BRI3: variants seen among roughly 807,000 people sequenced by gnomAD.
The protein encoded by BRI3 is membrane protein BRI3.
In BRI3, 6 loss-of-function variants were observed where a neutral mutation model predicts 12.8. The ratio of observed to expected loss-of-function variants is 0.47; its 90% confidence interval spans 0.26 to 0.93. BRI3 has a LOEUF of 0.93. Ranked by LOEUF, BRI3 falls within the 40% of genes least tolerant of loss-of-function variation. The pLI is 0.15. For synonymous variants in BRI3, 91 were observed against 76.1 expected (o/e 1.20, Z -1.02); for missense variants, 134 against 171.1 (o/e 0.78, Z 1.21).
chr7:98,307,848 C>G, exon 2 of BRI3: 1 of 1,614,248 alleles, frequency 6.2e-7, no homozygotes, highest in Non-Finnish European at 8.5e-7. Flanking sequence ...CATGTTCAGT[C>G]CCGTTGCAAC....
At chr7:98,313,981 CCT>C (rs1491220172), downstream of BRI3, among the ~76,000 whole-genome samples, 2 of 120,064 alleles carry the variant, frequency 1.7e-5, no homozygotes, top group East Asian at 2.1e-4. Context: ...CCTTTTTCTT[CCT>C]TTTTTTTTTT....
chr7:98,285,087 T>A (rs2116708196), intron 2 of BRI3, among the ~76,000 whole-genome samples: 1 of 152,242 alleles, frequency 6.6e-6, no homozygotes, highest in Non-Finnish European at 1.5e-5. Flanking sequence ...CCATGAGTAC[T>A]GGCTGGGCTG....
In BRI3 at chr7:98,281,761, A is replaced by AGCCGG. The variant is rs1296951646; in HGVS notation, c.-29_-25dup. ...TCCCCCGCCGGGGCCGACCGAGCCG[A>AGCCGG]GCCGGGCCGGAGCGGCGGGCGCGGC... On this transcript the variant is annotated 5_prime_UTR_variant, in exon 1 of 3. Coordinates refer to ENST00000297290, the MANE Select transcript of BRI3 (RefSeq NM_015379.5). The AGCCGG allele has an allele frequency of 4.9e-6, 5 of 1,024,274 alleles. No individual in the cohort carries two copies. Among genetic ancestry groups the AGCCGG allele is most frequent in the Admixed American group, 5.7e-5 (1 of 17,402 alleles). 63.4% of individuals were successfully genotyped at this position (1,024,274 alleles called of 1,614,324 possible). A position where few individuals can be genotyped will look rare whatever the true frequency, so the allele number is the denominator to read the frequency against.
downstream of BRI3, chr7:98,312,400 T>C: frequency 1.1e-6 from 1 of 937,436 alleles, no homozygotes; most frequent in Non-Finnish European, 1.6e-6. Context: ...TTAAACTCGG[T>C]GAGCACTTTA....
At chr7:98,313,677 G>A (rs1800962022), downstream of BRI3, among the ~76,000 whole-genome samples, 1 of 152,108 alleles carries the variant, frequency 6.6e-6, no homozygotes, top group African/African-American at 2.4e-5. Flanking sequence ...GGAGTGCACT[G>A]GCACAATCAC....
At chr7:98,299,123 C>T (rs186217406) in intron 1 of BRI3, among the ~76,000 whole-genome samples, 3 of 152,248 alleles carry the variant, frequency 2.0e-5, no homozygotes, top group Admixed American at 2.0e-4. Context: ...TCAACTGATT[C>T]TCCTGCCTCA....
chr7:98,312,672 G>C (rs1036540697), downstream of BRI3, among the ~76,000 whole-genome samples: 1 of 152,146 alleles, frequency 6.6e-6, no homozygotes, highest in Non-Finnish European at 1.5e-5. Context: ...CACAGGCCAC[G>C]GGCCCCGTAG....
At chr7:98,318,945 C>CAAAAA in the BRI3 span, among the ~76,000 whole-genome samples, 1 of 114,596 alleles carries the variant, frequency 8.7e-6, no homozygotes, top group Non-Finnish European at 1.7e-5. Context: ...GACTCCATCT[C>CAAAAA]AAAAAAAAAA....
intron 1 of BRI3, among the ~76,000 whole-genome samples, chr7:98,299,229 G>A (rs1584417793): frequency 1.3e-5 from 2 of 152,138 alleles, no homozygotes; most frequent in Admixed American, 1.3e-4. Flanking sequence ...ATGTTGGCCA[G>A]GCTGGTCTCA....
chr7:98,287,206 AG>A (rs1799739667), intron 2 of BRI3, among the ~76,000 whole-genome samples: 1 of 152,224 alleles, frequency 6.6e-6, no homozygotes, highest in Non-Finnish European at 1.5e-5. Flanking sequence ...CGCTCTCCCC[AG>A]AGACCCGGGG....
chr7:98,304,205 G>T (rs777442291), upstream of BRI3: 1 of 1,596,866 alleles, frequency 6.3e-7, no homozygotes, highest in Admixed American at 1.8e-5. Flanking sequence ...CAGGAGCCGC[G>T]GTCTCGGGCT....
chr7:98,293,429 G>C (rs1800050741), downstream of BRI3: 1 of 1,228,700 alleles, frequency 8.1e-7, no homozygotes, highest in Non-Finnish European at 1.2e-6. Context: ...CTCCACTGAA[G>C]CTTCCCGACC....
chr7:98,321,651 G>A, the BRI3 span, among the ~76,000 whole-genome samples: 6 of 152,204 alleles, frequency 3.9e-5, no homozygotes, highest in Admixed American at 2.6e-4. Flanking sequence ...CAACTTATCT[G>A]CAGGAACCAA....
At chr7:98,286,913 C>T (rs1048695919) in intron 2 of BRI3, among the ~76,000 whole-genome samples, 1 of 152,226 alleles carries the variant, frequency 6.6e-6, no homozygotes, top group African/African-American at 2.4e-5. Flanking sequence ...CTGCCTTCAG[C>T]GCCTCTTGGC....
At chr7:98,297,758 G>A (rs373334795), downstream of BRI3, among the ~76,000 whole-genome samples, 2 of 152,224 alleles carry the variant, frequency 1.3e-5, no homozygotes, top group Non-Finnish European at 2.9e-5. Flanking sequence ...TGACGCAAAC[G>A]AAGATGCGTG....
downstream of BRI3, among the ~76,000 whole-genome samples, chr7:98,313,255 GA>G (rs961625454): frequency 1.3e-5 from 2 of 152,004 alleles, no homozygotes; most frequent in African/African-American, 4.8e-5. Flanking sequence ...TGAATTAAGG[GA>G]AGCCACAAAA....
chr7:98,295,156 G>A (rs2116782260), downstream of BRI3, among the ~76,000 whole-genome samples: 1 of 152,332 alleles, frequency 6.6e-6, no homozygotes, highest in Middle Eastern at 3.4e-3. Flanking sequence ...CGATGCCAGC[G>A]CTAGAGCGCA....
exon 2 of BRI3, chr7:98,307,843 T>A: frequency 6.2e-7 from 1 of 1,614,238 alleles, no homozygotes; most frequent in Non-Finnish European, 8.5e-7. Flanking sequence ...TTCATCATGT[T>A]CAGTCCCGTT....
chr7:98,292,836 C>T (rs1800026531), downstream of BRI3: 10 of 1,465,152 alleles, frequency 6.8e-6, no homozygotes, highest in East Asian at 2.5e-5. Context: ...GCAGCGAATC[C>T]GTTGGCGACT....
Sources: gnomAD v4.1 joint callset for allele counts (sites outside exome capture counted in the v4.1 genomes callset) on GRCh38, gnomAD v4.1.1 for gene constraint, MANE v1.5 for transcripts, NCBI Gene and HGNC (gene_info 2026-07-23, HGNC 2026-07-21) for gene names.